The following TMEM19 variants were observed in gnomAD, a reference collection of about 807,000 sequenced individuals.
TMEM19 encodes transmembrane protein 19.
Under a neutral mutation model 33.6 loss-of-function variants are expected in TMEM19, and 21 were observed. The observed-to-expected ratio is 0.62, with a 90% CI of 0.44 to 0.90. The LOEUF is 0.90. Ranked by LOEUF, TMEM19 falls within the 40% of genes least tolerant of loss-of-function variation. The pLI, the probability that TMEM19 is intolerant of heterozygous loss-of-function variation, is 0.00. For missense variants in TMEM19, 402 were observed against 401.8 expected (o/e 1.00, Z 0.00); for synonymous variants, 149 against 147.5 (o/e 1.01, Z -0.07).
intron 2 of TMEM19, among the ~76,000 whole-genome samples, chr12:71,694,395 G>A (rs1881835977): frequency 6.6e-6 from 1 of 152,142 alleles, no homozygotes; most frequent in African/African-American, 2.4e-5. Context: ...TATACTTTGG[G>A]TCTGGTTTCA....
intron 5 of TMEM19, 127 bp from the exon 6 acceptor site, chr12:71,700,705 C>CT: frequency 1.1e-6 from 1 of 948,224 alleles, no homozygotes; most frequent in Non-Finnish European, 1.4e-6. Flanking sequence ...CTATTTTGTT[C>CT]TTTTTTTAAA....
rs1265155479 is a variant in TMEM19, at chr12:71,701,273, A to G, written c.*278A>G. On this transcript the variant is annotated 3_prime_UTR_variant, in exon 6 of 6. Transcript: ENST00000266673. ...ATATTGTCCCTACATATTACTATAT[A>G]TTGAACTGAAAGTTCTTACATAATC... The G allele has an allele frequency of 4.3e-6, 1 of 232,156 alleles. No individual in the cohort carries two copies. The highest frequency in any genetic ancestry group is 2.3e-5 in the African/African-American group (1 of 44,384). The allele number at this position is 232,156 out of a possible 1,614,324, so 14.4% of individuals were successfully genotyped here. A position where few individuals can be genotyped will look rare whatever the true frequency, so the allele number is the denominator to read the frequency against.
chr12:71,699,462 A>G (rs1312277034), intron 5 of TMEM19: 3 of 405,360 alleles, frequency 7.4e-6, no homozygotes, highest in African/African-American at 6.1e-5. Context: ...CCATTTGAGG[A>G]GTAATTGTAC....
Position 71,701,233 on chromosome 12 carries a change from T to A in TMEM19, c.*238T>A. 2.7e-6 allele frequency: 1 copy of A among 370,960 alleles called. No homozygotes were observed. Among genetic ancestry groups the A allele is most frequent in the Non-Finnish European group, 4.8e-6 (1 of 207,156 alleles). The allele number at this position is 370,960 out of a possible 1,614,324, so 23.0% of individuals were successfully genotyped here. On this transcript the variant is annotated 3_prime_UTR_variant, in exon 6 of 6. Transcript: ENST00000266673. ...ATTTTTTTCCTGCTGAATGGAAGTC[T>A]TGAGCAATGAAGCTATATTGTCCCT...
Position 71,686,756 on chromosome 12 carries a change from A to G in TMEM19, c.76A>G (p.Ile26Val), listed in dbSNP as rs756549553. 3.1e-6 allele frequency: 5 copies of G among 1,612,896 alleles called. No individual in the cohort carries two copies. Among genetic ancestry groups the G allele is most frequent in the Non-Finnish European group, 3.4e-6 (4 of 1,179,690 alleles). The change falls in exon 1 of 6, where the codon ATT becomes GTT. Residue 26 changes from isoleucine to valine, a missense_variant. By Grantham distance (29) the Ile-to-Val change is conservative. Transcript: ENST00000266673. The part of the protein sequence containing the change: ...ITNIVILSLI[I>V]CISLAFWIIS... Reference sequence around the variant, plus strand: ...TAATATAGTTATACTGAGCCTGATCATTTGCATTTCGTTAGCTTTCTGGAT... The same window carrying G: ...TAATATAGTTATACTGAGCCTGATCGTTTGCATTTCGTTAGCTTTCTGGAT...
At chr12:71,689,021 A>G (rs1163861001) in intron 1 of TMEM19, among the ~76,000 whole-genome samples, 1 of 152,178 alleles carries the variant, frequency 6.6e-6, no homozygotes, top group East Asian at 1.9e-4. Context: ...ATCCATTATT[A>G]TCATAAATAG....
chr12:71,701,077 G>A lies in TMEM19; in HGVS notation c.*82G>A, dbSNP rs934273042. ...AACTTTCATCCTAAGAATAATAACT[G>A]TAATGGCAAAGCGGAAATGCCAGTT... On this transcript the variant is annotated 3_prime_UTR_variant, in exon 6 of 6. Coordinates refer to ENST00000266673, the MANE Select transcript of TMEM19 (RefSeq NM_018279.4). 1 of 1,379,198 alleles carries A rather than the reference G, an allele frequency of 7.3e-7. No homozygotes were observed. The highest frequency in any genetic ancestry group is 1.5e-5 in the African/African-American group (1 of 68,620). 85.4% of individuals were successfully genotyped at this position (1,379,198 alleles called of 1,614,324 possible).
intron 1 of TMEM19, among the ~76,000 whole-genome samples, chr12:71,687,786 A>G (rs1881718695): frequency 1.3e-5 from 2 of 152,224 alleles, no homozygotes; most frequent in African/African-American, 4.8e-5. Flanking sequence ...ATAAGCCTCC[A>G]TTTACACAAA....
At chr12:71,690,581 GATA>G (rs1881768522) in intron 2 of TMEM19, among the ~76,000 whole-genome samples, 2 of 152,170 alleles carry the variant, frequency 1.3e-5, no homozygotes, top group African/African-American at 4.8e-5. Context: ...AGGGCAGATA[GATA>G]ATAAATAAAA....
intron 1 of TMEM19, among the ~76,000 whole-genome samples, chr12:71,687,251 G>A (rs984467242): frequency 5.3e-5 from 8 of 152,160 alleles, no homozygotes; most frequent in East Asian, 1.9e-4. Context: ...GCTTTGTAAA[G>A]CAATTACAGT....
Position 71,689,490 on chromosome 12 carries a change from T to C in TMEM19, c.131-101T>C, listed in dbSNP as rs1881748039. The C allele has an allele frequency of 3.6e-6, 3 of 837,906 alleles. No homozygotes were observed. The South Asian group carries it at 4.1e-5, about 12-fold the overall frequency. 51.9% of individuals were successfully genotyped at this position (837,906 alleles called of 1,614,324 possible). ...GTGACTTCATCTTGGTGTTTGTACT[T>C]ATGACAGTATTTTAGTCTAAAAGCA... is the stretch of plus-strand genomic sequence containing the variant. On this transcript the variant is annotated intron_variant, in intron 1 of 5. Transcript: ENST00000266673.
rs550779793 is a variant in TMEM19 at position 71,686,241 on chromosome 12, T to G, written c.-440T>G. ...CCGCGTCGGGCGTGCTTCCCAGACTTGCCCAAGTTCGGGTGCCCTAGCTGC... is the reference window on the plus strand; with the variant it reads ...CCGCGTCGGGCGTGCTTCCCAGACTGGCCCAAGTTCGGGTGCCCTAGCTGC... On this transcript the variant is annotated 5_prime_UTR_variant, in exon 1 of 6. Transcript: ENST00000266673. The G allele has an allele frequency of 1.7e-3, 373 of 216,356 alleles. 9 individuals carry two copies. In the South Asian group the frequency reaches 0.02, roughly 12 times the overall value. The allele number at this position is 216,356 out of a possible 1,614,324, so 13.4% of individuals were successfully genotyped here.
intron 1 of TMEM19, among the ~76,000 whole-genome samples, chr12:71,688,250 T>G (rs1449731370): frequency 6.6e-6 from 1 of 152,188 alleles, no homozygotes; most frequent in Non-Finnish European, 1.5e-5. Flanking sequence ...TCCCCTTTAT[T>G]TTTCTGAGAC....
chr12:71,696,403 A>T, intron 2 of TMEM19, 33 bp from the exon 3 acceptor site: 5 of 1,531,562 alleles, frequency 3.3e-6, no homozygotes, highest in Non-Finnish European at 4.4e-6. Context: ...TATGAATTGA[A>T]TATAATTCTG....
chr12:71,695,432 G>A (rs1039158062), intron 2 of TMEM19, among the ~76,000 whole-genome samples: 1 of 151,996 alleles, frequency 6.6e-6, no homozygotes, highest in Admixed American at 6.6e-5. Context: ...GAGGAGGGGA[G>A]ACACTTTGAC....
rs1882021631 is a variant in TMEM19, at chr12:71,703,545, T to C, written c.*2550T>C. ...TGAATTTAGTAGAATCACTGTATCA[T>C]TAACAGTTTGGGGAAGTACTGCTTT... On this transcript the variant is annotated 3_prime_UTR_variant, in exon 6 of 6. Transcript: ENST00000266673. The C allele has an allele frequency of 6.5e-6, 1 of 153,268 alleles. No homozygotes were observed. 9.5% of individuals were successfully genotyped at this position (153,268 alleles called of 1,614,324 possible). A position where few individuals can be genotyped will look rare whatever the true frequency, so the allele number is the denominator to read the frequency against.
In TMEM19 at chr12:71,686,487, A is replaced by T. The variant is rs1881690758; in HGVS notation, c.-194A>T. 1 of 522,354 alleles carries T rather than the reference A, an allele frequency of 1.9e-6. No homozygotes were observed. Among genetic ancestry groups the T allele is most frequent in the African/African-American group, 2.0e-5 (1 of 49,650 alleles). 32.4% of individuals were successfully genotyped at this position (522,354 alleles called of 1,614,324 possible). ...GCGGTGAGGCGTTGACCACGCCCAT[A>T]TGAATTGGAGCTCTCCGCCAGTAGG... On this transcript the variant is annotated 5_prime_UTR_variant, in exon 1 of 6. An upstream start codon of the reference 5' UTR is lost. Transcript: ENST00000266673.
At chr12:71,692,196 G>A (rs567110775) in intron 2 of TMEM19, among the ~76,000 whole-genome samples, 28 of 152,068 alleles carry the variant, frequency 1.8e-4, no homozygotes, top group Non-Finnish European at 7.4e-5. Context: ...ATTTTTATAC[G>A]TGAATGACTA....
chr12:71,686,852 A>G (rs759173234), intron 1 of TMEM19, 42 bp downstream of exon 1: 1 of 1,557,502 alleles, frequency 6.4e-7, no homozygotes, highest in South Asian at 1.2e-5. Flanking sequence ...TAATCTAGTC[A>G]GAGGAAATTA....
Sources: allele counts gnomAD v4.1 joint callset (sites outside exome capture counted in the v4.1 genomes callset), GRCh38; gene constraint gnomAD v4.1.1; transcripts MANE v1.5; gene names NCBI Gene and HGNC (gene_info 2026-07-23, HGNC 2026-07-21).